Variants in DIAPH3 observed in about 807,000 individuals in gnomAD.
DIAPH3 encodes the protein protein diaphanous homolog 3.
DIAPH3 carries 117 observed loss-of-function variants against 144.3 expected under a neutral mutation model. The ratio of observed to expected loss-of-function variants is 0.81; its 90% CI spans 0.70 to 0.95. DIAPH3 has a LOEUF of 0.95. Among genes scored for constraint, DIAPH3 ranks in the 40% least tolerant of loss-of-function variants. DIAPH3 has a pLI of 0.00. For missense variants in DIAPH3, 1,421 were observed against 1,412.7 expected (o/e 1.01, Z -0.09); for synonymous variants, 519 against 488.9 (o/e 1.06, Z -0.81).
chr13:60,105,814 G>A (rs1466238526), intron 3 of DIAPH3, among the ~76,000 whole-genome samples: 3 of 152,160 alleles, frequency 2.0e-5, no homozygotes, highest in Non-Finnish European at 2.9e-5. Flanking sequence ...TAAGCTGCTG[G>A]TAGGAATCTA....
intron 20 of DIAPH3, among the ~76,000 whole-genome samples, chr13:59,906,738 G>A (rs1391585876): frequency 1.3e-5 from 2 of 152,114 alleles, no homozygotes; most frequent in African/African-American, 2.4e-5. Flanking sequence ...ATTAAATAAC[G>A]TGGAGACAAA....
At chr13:59,899,387 A>C (rs1157174278) in intron 20 of DIAPH3, among the ~76,000 whole-genome samples, 2 of 152,204 alleles carry the variant, frequency 1.3e-5, no homozygotes, top group Non-Finnish European at 2.9e-5. Context: ...GTGCATTGAG[A>C]AGACTTCCAC....
intron 19 of DIAPH3, among the ~76,000 whole-genome samples, chr13:59,914,354 A>C (rs963769173): frequency 3.9e-5 from 6 of 152,220 alleles, no homozygotes; most frequent in Non-Finnish European, 8.8e-5. Flanking sequence ...AATATATTAA[A>C]ACCTTATATA....
At chr13:59,749,196 T>TGAGG (rs2036860550) in intron 27 of DIAPH3, among the ~76,000 whole-genome samples, 1 of 88,086 alleles carries the variant, frequency 1.1e-5, no homozygotes. Flanking sequence ...CCTAGGTGAC[T>TGAGG]GAGACTCTGT....
intron 27 of DIAPH3, among the ~76,000 whole-genome samples, chr13:59,768,028 C>T (rs904970350): frequency 1.3e-5 from 2 of 152,172 alleles, no homozygotes; most frequent in African/African-American, 4.8e-5. Flanking sequence ...TGAGTCCATT[C>T]TGCCTTTTGC....
At chr13:59,968,826 C>T (rs1382396334) in intron 17 of DIAPH3, among the ~76,000 whole-genome samples, 1 of 152,094 alleles carries the variant, frequency 6.6e-6, no homozygotes, top group Non-Finnish European at 1.5e-5. Flanking sequence ...CTGCTGTGCT[C>T]AAGTTAAACA....
chr13:59,907,313 T>C (rs1417522522), intron 20 of DIAPH3, among the ~76,000 whole-genome samples: 2 of 152,084 alleles, frequency 1.3e-5, no homozygotes, highest in Admixed American at 1.3e-4. Flanking sequence ...AAACAGCATG[T>C]AAATGGCCTT....
At chr13:59,911,341 A>G (rs2046988412) in intron 20 of DIAPH3, among the ~76,000 whole-genome samples, 1 of 152,206 alleles carries the variant, frequency 6.6e-6, no homozygotes, top group Non-Finnish European at 1.5e-5. Context: ...TTCGGTCTAA[A>G]CTACGAGATG....
chr13:59,679,739 A>C (rs760836051), intron 27 of DIAPH3, among the ~76,000 whole-genome samples: 1 of 152,196 alleles, frequency 6.6e-6, no homozygotes, highest in Non-Finnish European at 1.5e-5. Flanking sequence ...TTGAAATTAA[A>C]AAAATATTGG....
intron 17 of DIAPH3, among the ~76,000 whole-genome samples, chr13:59,943,205 C>T (rs926142694): frequency 5.3e-5 from 8 of 152,058 alleles, no homozygotes; most frequent in East Asian, 1.9e-4. Flanking sequence ...TTAATGTCAA[C>T]GAAGATCAGC....
At chr13:59,714,902 A>G (rs2034970501) in intron 27 of DIAPH3, among the ~76,000 whole-genome samples, 1 of 152,186 alleles carries the variant, frequency 6.6e-6, no homozygotes, top group African/African-American at 2.4e-5. Context: ...AAAAATAAGT[A>G]TTCTACCTGT....
At chr13:60,086,297 G>A (rs1330027643) in intron 4 of DIAPH3, among the ~76,000 whole-genome samples, 5 of 152,156 alleles carry the variant, frequency 3.3e-5, no homozygotes, top group African/African-American at 1.2e-4. Flanking sequence ...GAATCTGGAT[G>A]AATTTTAGCT....
At chr13:60,042,945 G>A in intron 4 of DIAPH3, 125 bp from the exon 5 acceptor site, 1 of 1,110,750 alleles carries the variant, frequency 9.0e-7, no homozygotes, top group Non-Finnish European at 1.3e-6. Flanking sequence ...GGGCAAGGGT[G>A]GTAAATAATT....
chr13:59,757,392 C>CTT lies in DIAPH3; in HGVS notation c.3319+16795_3319+16796dup, dbSNP rs558678599. Among the ~76,000 whole-genome samples, 123 of 93,066 alleles carry CTT rather than the reference C, an allele frequency of 1.3e-3. 6 individuals carry two copies. The highest frequency in any genetic ancestry group is 3.8e-3 in the African/African-American group (72 of 19,074). The allele number at this position is 93,066 out of a possible 152,430, so 61.1% of individuals were successfully genotyped here. A position where few individuals can be genotyped will look rare whatever the true frequency, so the allele number is the denominator to read the frequency against. On this transcript the variant is annotated intron_variant, in intron 27 of 27. Transcript: ENST00000400324. ...GGAAAGCTAGTTATTATGGGTCATC[C>CTT]TTTTTTTTTTTTTTTTTTTTTTTTT...
At chr13:59,792,617 C>A (rs2039386668) in intron 25 of DIAPH3, among the ~76,000 whole-genome samples, 1 of 152,308 alleles carries the variant, frequency 6.6e-6, no homozygotes, top group African/African-American at 2.4e-5. Flanking sequence ...TGAATTCATA[C>A]AACCATTTTC....
At chr13:59,840,238 A>T (rs1305939464) in intron 22 of DIAPH3, among the ~76,000 whole-genome samples, 1 of 151,894 alleles carries the variant, frequency 6.6e-6, no homozygotes, top group African/African-American at 2.4e-5. Flanking sequence ...GTACAAATGA[A>T]TTCTAGGTTA....
chr13:59,729,810 A>ATTTTTTTTTTTTTTTTTTTTTTTTTT (rs59987412), intron 27 of DIAPH3, among the ~76,000 whole-genome samples: 46 of 134,240 alleles, frequency 3.4e-4, no homozygotes, highest in African/African-American at 1.3e-3. Context: ...ATACATTAAT[A>ATTTTTTTTTTTTTTTTTTTTTTTTTT]TTTTTTTTTT....
chr13:59,953,203 T>C (rs753654066), intron 17 of DIAPH3, among the ~76,000 whole-genome samples: 6 of 152,118 alleles, frequency 3.9e-5, no homozygotes, highest in Non-Finnish European at 8.8e-5. Flanking sequence ...AGCATGAATG[T>C]TCCTGGCAGG....
At chr13:59,994,619 AGACAG>A in intron 9 of DIAPH3, among the ~76,000 whole-genome samples, 1 of 152,058 alleles carries the variant, frequency 6.6e-6, no homozygotes, top group African/African-American at 2.4e-5. Flanking sequence ...ATGAGAACTA[AGACAG>A]CTGAATAAAG....
Sources: gnomAD v4.1 joint callset for allele counts (sites outside exome capture counted in the v4.1 genomes callset) on GRCh38, gnomAD v4.1.1 for gene constraint, MANE v1.5 for transcripts, NCBI Gene and HGNC (gene_info 2026-07-23, HGNC 2026-07-21) for gene names.